The following BTBD10 variants were observed in gnomAD, a reference collection of about 807,000 sequenced individuals.
BTBD10 encodes the protein BTB/POZ domain-containing protein 10.
In BTBD10, 21 loss-of-function variants were observed where a neutral mutation model predicts 53.2. That is an observed-to-expected ratio of 0.39 (90% CI 0.28 to 0.57). The LOEUF (loss-of-function observed/expected upper bound fraction) is 0.57. Ranked by LOEUF, BTBD10 falls within the 20% of genes least tolerant of loss-of-function variation. BTBD10 has a pLI of 0.53. For missense variants in BTBD10, 360 were observed against 594.7 expected, an observed-to-expected ratio of 0.61 and a Z score of 4.10; for synonymous variants, 149 against 192.7, an observed-to-expected ratio of 0.77 and a Z score of 1.88.
chr11:13,445,366 CATTTG>C (rs1243932712), intron 1 of BTBD10, among the ~76,000 whole-genome samples, 185 bp from the exon 2 acceptor site: 1 of 152,124 alleles, frequency 6.6e-6, no homozygotes, highest in Non-Finnish European at 1.5e-5. Context: ...AAGTACTTTT[CATTTG>C]ATTTGTCTAT....
Position 13,411,029 on chromosome 11 carries a change from T to C in BTBD10, c.808+2501A>G, listed in dbSNP as rs74442079. 0.022 allele frequency among the ~76,000 whole-genome samples: 3,307 copies of C among 152,274 alleles called. 262 individuals are homozygous for C. In the East Asian group the frequency reaches 0.23, roughly 10 times the overall value. On this transcript the variant is annotated intron_variant, in intron 6 of 8. Transcript: ENST00000278174. ...AGACATAAGTCAGATTTGAGTATGT[T>C]TGAGACTGAGGTTTACTACATAGAG...
In BTBD10 at chr11:13,440,275, C is replaced by T. The variant is rs1470571838; in HGVS notation, c.101+4749G>A. 5.8e-6 allele frequency: 7 copies of T among 1,201,470 alleles called. No individual in the cohort carries two copies. The African/African-American group carries it at 7.9e-5, about 14-fold the overall frequency. The allele number at this position is 1,201,470 out of a possible 1,614,324, so 74.4% of individuals were successfully genotyped here. ...ACTGACGTTTCTAACAAAACAGCAT[C>T]GTGTGAGCTGTGATCGTCCCATTTC... On this transcript the variant is annotated intron_variant, in intron 2 of 8. Coordinates refer to ENST00000278174, the MANE Select transcript of BTBD10 (RefSeq NM_032320.7).
At chr11:13,406,921 T>C (rs1949845752) in intron 6 of BTBD10, among the ~76,000 whole-genome samples, 1 of 152,138 alleles carries the variant, frequency 6.6e-6, no homozygotes, top group South Asian at 2.1e-4. Flanking sequence ...CAATTACCTA[T>C]ATTTCAACAC....
chr11:13,394,695 C>A (rs200429777), intron 8 of BTBD10, among the ~76,000 whole-genome samples: 2 of 145,544 alleles, frequency 1.4e-5, no homozygotes, highest in Non-Finnish European at 3.0e-5. Flanking sequence ...ATCCCTCCGC[C>A]CTCCCCCAAC....
intron 2 of BTBD10, among the ~76,000 whole-genome samples, chr11:13,424,232 C>G (rs567059877): frequency 7.9e-5 from 12 of 152,078 alleles, no homozygotes; most frequent in Admixed American, 5.2e-4. Context: ...AGCACAACAA[C>G]GAGTAAGACA....
chr11:13,395,629 T>A (rs1243606993), intron 8 of BTBD10, among the ~76,000 whole-genome samples: 4 of 152,046 alleles, frequency 2.6e-5, no homozygotes, highest in African/African-American at 7.2e-5. Flanking sequence ...TATGTCCTGA[T>A]TGGTATTGCC....
intron 1 of BTBD10, among the ~76,000 whole-genome samples, chr11:13,456,062 T>G (rs1950961235): frequency 6.6e-6 from 1 of 152,206 alleles, no homozygotes; most frequent in South Asian, 2.1e-4. Context: ...TTAAGGAATC[T>G]AAAATTTGCC....
intron 1 of BTBD10, among the ~76,000 whole-genome samples, chr11:13,456,656 A>G (rs1950974328): frequency 6.6e-6 from 1 of 152,242 alleles, no homozygotes; most frequent in South Asian, 2.1e-4. Flanking sequence ...AAAGAAGGAA[A>G]GAAAAAGACA....
chr11:13,399,309 G>A (rs1382902842), intron 8 of BTBD10, among the ~76,000 whole-genome samples: 4 of 151,780 alleles, frequency 2.6e-5, no homozygotes, highest in Non-Finnish European at 4.4e-5. Flanking sequence ...GTCTTCCATC[G>A]CTGATACCCT....
At chr11:13,396,731 T>C (rs1440922216) in intron 8 of BTBD10, among the ~76,000 whole-genome samples, 1 of 152,204 alleles carries the variant, frequency 6.6e-6, no homozygotes, top group African/African-American at 2.4e-5. Context: ...ATCTAATTTA[T>C]TGAGAGTTTT....
At position 13,389,071 on chromosome 11, in the gene BTBD10, G is replaced by A; in HGVS notation, c.1188C>T (p.Val396=). The A allele has an allele frequency of 1.2e-6, 2 of 1,614,092 alleles. No individual in the cohort carries two copies. The highest frequency in any genetic ancestry group is 1.7e-6 in the Non-Finnish European group (2 of 1,180,030). The part of the protein sequence containing the change: ...GGRPEVIYNY[V]QRPFIRMSWE... ...AGGACATTCGAATAAAGGGTCTTTG[G>A]ACATAGTTGTAGATCACTTCTGGGC... The change falls in exon 9 of 9, where the codon GTC becomes GTT. Residue 396 remains valine, a synonymous_variant. Coordinates refer to ENST00000278174, the MANE Select transcript of BTBD10 (RefSeq NM_032320.7).
At chr11:13,394,194 A>G (rs140039202) in intron 8 of BTBD10, among the ~76,000 whole-genome samples, 179 of 152,340 alleles carry the variant, frequency 1.2e-3, no homozygotes, top group African/African-American at 4.3e-3. Flanking sequence ...GTTGTCACCC[A>G]CAGATATGGT....
rs531260735 is a variant in BTBD10, at chr11:13,395,392, T to A, written c.1118-6251A>T. On this transcript the variant is annotated intron_variant, in intron 8 of 8. Transcript: ENST00000278174. ...TTTGCCCACTTTTTGATGGGGTTGT[T>A]TTTTTCTTGTAAATTTGTTTGAGTT... Among the ~76,000 whole-genome samples the A allele has an allele frequency of 5.2e-3, 795 of 152,314 alleles. 9 individuals are homozygous for A. The highest frequency in any genetic ancestry group is 0.018 in the African/African-American group (735 of 41,566).
chr11:13,410,615 A>C (rs1342906532), intron 6 of BTBD10, among the ~76,000 whole-genome samples: 4 of 151,964 alleles, frequency 2.6e-5, no homozygotes, highest in African/African-American at 9.7e-5. Flanking sequence ...TTGACAGGAC[A>C]AAAAAAAGAT....
At chr11:13,394,486 T>G (rs895240695) in intron 8 of BTBD10, among the ~76,000 whole-genome samples, 1 of 152,230 alleles carries the variant, frequency 6.6e-6, no homozygotes, top group Non-Finnish European at 1.5e-5. Flanking sequence ...TGCGGAATTG[T>G]GCACCAAATA....
intron 3 of BTBD10, among the ~76,000 whole-genome samples, chr11:13,420,973 T>C (rs1413076708): frequency 6.6e-6 from 1 of 152,156 alleles, no homozygotes; most frequent in Non-Finnish European, 1.5e-5. Flanking sequence ...ATGATTCTTA[T>C]TTACAACAGA....
intron 2 of BTBD10, among the ~76,000 whole-genome samples, chr11:13,435,546 G>A (rs1212154165): frequency 1.3e-5 from 2 of 152,182 alleles, no homozygotes; most frequent in African/African-American, 2.4e-5. Context: ...AGGCTGGAGT[G>A]CAGTGGCGCA....
chr11:13,447,293 G>C (rs77422155), intron 1 of BTBD10, among the ~76,000 whole-genome samples: 2,860 of 152,156 alleles, frequency 0.019, 85 homozygotes, highest in African/African-American at 0.065. Flanking sequence ...GTCTCAATCT[G>C]TCACCCAGAG....
chr11:13,440,065 A>C, intron 2 of BTBD10: 2 of 1,529,036 alleles, frequency 1.3e-6, no homozygotes, highest in Non-Finnish European at 1.8e-6. Context: ...TCCTCTGAAC[A>C]ATCAGAAAAT....
Sources: gnomAD v4.1 joint callset for allele counts (sites outside exome capture counted in the v4.1 genomes callset) on GRCh38, gnomAD v4.1.1 for gene constraint, MANE v1.5 for transcripts, NCBI Gene and HGNC (gene_info 2026-07-23, HGNC 2026-07-21) for gene names.